Variants in LPP observed in about 807,000 individuals in gnomAD.
LPP encodes the protein lipoma-preferred partner.
LPP carries 38 observed loss-of-function variants against 60.4 expected under a neutral mutation model. That is an observed-to-expected ratio of 0.63 (90% CI 0.49 to 0.83). The LOEUF (loss-of-function observed/expected upper bound fraction) is 0.83. Ranked by LOEUF, LPP falls within the 40% of genes least tolerant of loss-of-function variation. The probability of loss-of-function intolerance (pLI) is 0.00; values close to 1 mark genes in which losing one functional copy is unlikely to be tolerated. For synonymous variants in LPP, 328 were observed against 290.8 expected (o/e 1.13, Z -1.30); for missense variants, 902 against 783.6 (o/e 1.15, Z -1.80).
chr3:188,334,935 C>T (rs2150564130), intron 2 of LPP, among the ~76,000 whole-genome samples: 1 of 152,208 alleles, frequency 6.6e-6, no homozygotes, highest in South Asian at 2.1e-4. Flanking sequence ...TATGGATGTC[C>T]AGTTTTCCCA....
chr3:188,711,490 A>G (rs1711513186), intron 8 of LPP: 1 of 152,202 alleles, frequency 6.6e-6, no homozygotes, highest in Non-Finnish European at 1.5e-5. Context: ...GCCAGGCTAC[A>G]TATTTAGAAG....
chr3:188,262,986 T>G (rs1477734812), intron 2 of LPP, among the ~76,000 whole-genome samples: 1 of 151,446 alleles, frequency 6.6e-6, no homozygotes, highest in African/African-American at 2.4e-5. Context: ...AGAGTGCAGT[T>G]TTTTTTTTTC....
chr3:188,501,369 C>T (rs1369296248), intron 5 of LPP, among the ~76,000 whole-genome samples: 1 of 152,138 alleles, frequency 6.6e-6, no homozygotes, highest in Non-Finnish European at 1.5e-5. Flanking sequence ...AATCTCAGCA[C>T]TTTGGGAGGC....
At chr3:188,618,006 A>C (rs1219641901) in intron 7 of LPP, among the ~76,000 whole-genome samples, 2 of 152,212 alleles carry the variant, frequency 1.3e-5, no homozygotes, top group African/African-American at 2.4e-5. Flanking sequence ...CAAACAAAGA[A>C]ATTTGAACCA....
chr3:188,780,350 G>A (rs1451424791), intron 9 of LPP, among the ~76,000 whole-genome samples: 1 of 152,186 alleles, frequency 6.6e-6, no homozygotes, highest in Non-Finnish European at 1.5e-5. Context: ...AATGATGTCT[G>A]TGAGGTCAGA....
chr3:188,407,780 G>GTTTTTTTTTTTTTTTTTT (rs1268002703), intron 4 of LPP, among the ~76,000 whole-genome samples: 1 of 94,898 alleles, frequency 1.1e-5, no homozygotes, highest in Non-Finnish European at 2.1e-5. Context: ...TTTTTTTTTT[G>GTTTTTTTTTTTTTTTTTT]TTTGTTTGTT....
chr3:188,792,070 C>G (rs542048083), intron 9 of LPP, among the ~76,000 whole-genome samples: 1 of 152,146 alleles, frequency 6.6e-6, no homozygotes. Flanking sequence ...TGCTGCTATA[C>G]CAGGCTGTCC....
At chr3:188,854,356 C>A (rs1763339753) in intron 9 of LPP, among the ~76,000 whole-genome samples, 1 of 152,158 alleles carries the variant, frequency 6.6e-6, no homozygotes, top group African/African-American at 2.4e-5. Context: ...ATTACTTCAC[C>A]AGCTTCCTTT....
chr3:188,754,128 T>A (rs1729340033), intron 8 of LPP, among the ~76,000 whole-genome samples: 1 of 152,202 alleles, frequency 6.6e-6, no homozygotes, highest in Admixed American at 6.5e-5. Flanking sequence ...TCTTTGTGGA[T>A]TCTATATTGT....
chr3:188,370,879 C>G (rs1176756971), intron 3 of LPP, among the ~76,000 whole-genome samples: 1 of 152,186 alleles, frequency 6.6e-6, no homozygotes, highest in African/African-American at 2.4e-5. Flanking sequence ...ACTGGTGTCT[C>G]TTGGCTGTCG....
At position 188,603,096 on chromosome 3, in the gene LPP, T is replaced by C. The variant is rs762041332; in HGVS notation, c.430-6065T>C. 6.7e-4 allele frequency among the ~76,000 whole-genome samples: 102 copies of C among 151,286 alleles called. 2 individuals carry two copies. The South Asian group carries it at 7.7e-3, about 11-fold the overall frequency. ...CAGCTTTAAAGTCAGAAGAGTAATA[T>C]TGGATTTATATTCCACATGTCAGCA... On this transcript the variant is annotated intron_variant, in intron 6 of 11. Coordinates refer to ENST00000617246, the MANE Select transcript of LPP (RefSeq NM_001375462.1).
intron 7 of LPP, among the ~76,000 whole-genome samples, chr3:188,680,846 A>G (rs1250329658): frequency 6.6e-6 from 1 of 152,106 alleles, no homozygotes; most frequent in African/African-American, 2.4e-5. Flanking sequence ...ATGAAACGCA[A>G]GTTTTATCTT....
chr3:188,603,653 G>T (rs996347839), intron 6 of LPP, among the ~76,000 whole-genome samples: 2 of 152,044 alleles, frequency 1.3e-5, no homozygotes, highest in African/African-American at 4.8e-5. Context: ...ACACATTTTT[G>T]GGGTTACCAA....
chr3:188,227,067 A>G (rs1362162940), intron 2 of LPP, among the ~76,000 whole-genome samples: 4 of 152,214 alleles, frequency 2.6e-5, no homozygotes, highest in African/African-American at 9.6e-5. Flanking sequence ...TGTGATAAGT[A>G]TGAAGCTTTG....
At chr3:188,414,873 C>T (rs1297527811) in intron 4 of LPP, among the ~76,000 whole-genome samples, 1 of 152,084 alleles carries the variant, frequency 6.6e-6, no homozygotes, top group Non-Finnish European at 1.5e-5. Context: ...TCTCTGGTTG[C>T]CATAGACACG....
intron 2 of LPP, among the ~76,000 whole-genome samples, chr3:188,231,595 C>G (rs546667536): frequency 6.6e-6 from 1 of 151,944 alleles, no homozygotes; most frequent in African/African-American, 2.4e-5. Context: ...TTGCTGTATG[C>G]GTGAGACACC....
intron 9 of LPP, among the ~76,000 whole-genome samples, chr3:188,837,382 C>CATA (rs57174980): frequency 0.14 from 18,998 of 140,196 alleles, 1,533 homozygotes; most frequent in African/African-American, 0.22. Flanking sequence ...CCATCTCAAA[C>CATA]ATAATAATAA....
intron 3 of LPP, among the ~76,000 whole-genome samples, chr3:188,342,870 A>T (rs1480006757): frequency 6.6e-6 from 1 of 152,176 alleles, no homozygotes; most frequent in Non-Finnish European, 1.5e-5. Context: ...CTGTAATTAA[A>T]CCAGACATAA....
chr3:188,420,245 C>T (rs1016517646), intron 4 of LPP, among the ~76,000 whole-genome samples: 2 of 152,160 alleles, frequency 1.3e-5, no homozygotes, highest in South Asian at 2.1e-4. Context: ...AATTATGATT[C>T]CTTTTTTGAA....
Sources: allele counts gnomAD v4.1 joint callset (sites outside exome capture counted in the v4.1 genomes callset), GRCh38; gene constraint gnomAD v4.1.1; transcripts MANE v1.5; gene names NCBI Gene and HGNC (gene_info 2026-07-23, HGNC 2026-07-21).